The following CACNA1C variants were observed in gnomAD, a reference collection of about 807,000 sequenced individuals.
CACNA1C encodes the protein voltage-dependent L-type calcium channel subunit alpha-1C.
A neutral mutation model predicts 229.0 loss-of-function variants in CACNA1C; 30 were observed. The ratio of observed to expected loss-of-function variants is 0.13; its 90% CI spans 0.10 to 0.18. The LOEUF (loss-of-function observed/expected upper bound fraction) is 0.18, where lower values mean the gene tolerates loss of function less well. CACNA1C is among the 10% of genes least tolerant of loss of function. The pLI, the probability that CACNA1C is intolerant of heterozygous loss-of-function variation, is 1.00. For missense variants in CACNA1C, 1,658 were observed against 2,845.0 expected, an observed-to-expected ratio of 0.58 and a Z score of 9.49; for synonymous variants, 1,114 against 1,132.5, an observed-to-expected ratio of 0.98 and a Z score of 0.33.
At chr12:2,334,492 T>A (rs1293711423) in intron 3 of CACNA1C, among the ~76,000 whole-genome samples, 1 of 152,136 alleles carries the variant, frequency 6.6e-6, no homozygotes, top group Non-Finnish European at 1.5e-5. Flanking sequence ...GGCTTGGATG[T>A]CTGGCAAGTC....
intron 29 of CACNA1C, among the ~76,000 whole-genome samples, chr12:2,628,124 C>A (rs1264636664): frequency 6.6e-6 from 1 of 152,226 alleles, no homozygotes; most frequent in African/African-American, 2.4e-5. Flanking sequence ...TTGCCACCAG[C>A]CTGACTGAAA....
chr12:2,270,247 G>C (rs1166979149), intron 3 of CACNA1C, among the ~76,000 whole-genome samples: 1 of 152,200 alleles, frequency 6.6e-6, no homozygotes, highest in African/African-American at 2.4e-5. Flanking sequence ...GTATTCCATC[G>C]TCAAGACTAG....
chr12:2,486,559 A>G lies in CACNA1C; in HGVS notation c.916+297A>G, dbSNP rs1307816611. The stretch of plus-strand genomic sequence containing the variant: ...CTTAGAACCTATCTTTTGTCAATCT[A>G]CGACTTTTCAAGCCAACCCTGAGTA... On this transcript the variant is annotated intron_variant, in intron 6 of 46. Coordinates refer to ENST00000399655, the MANE Select transcript of CACNA1C (RefSeq NM_000719.7). The surrounding 1 kb of genome is among the most constrained non-coding windows in gnomAD (Gnocchi z 4.9). Among the ~76,000 whole-genome samples the G allele has an allele frequency of 6.6e-6, 1 of 152,196 alleles. No homozygotes were observed. Among genetic ancestry groups the G allele is most frequent in the Non-Finnish European group, 1.5e-5 (1 of 68,038 alleles).
chr12:2,629,295 A>G (rs1327532246), intron 29 of CACNA1C, among the ~76,000 whole-genome samples: 1 of 46,966 alleles, frequency 2.1e-5, no homozygotes, highest in Non-Finnish European at 4.1e-5. Context: ...TTACATAGGT[A>G]GTCATCCCAT....
chr12:2,549,938 T>G lies in CACNA1C; in HGVS notation c.1391-5T>G. On this transcript the variant is annotated splice_polypyrimidine_tract_variant and splice_region_variant and intron_variant, in intron 9 of 46. Transcript: ENST00000399655. The stretch of plus-strand genomic sequence containing the variant: ...CCTGGCTCTGCTTCCCTTTGACTCT[T>G]GCAGTGAGCATGCCCACCAGTGAGA... The G allele has an allele frequency of 1.3e-6, 2 of 1,593,878 alleles. No individual in the cohort carries two copies. Among genetic ancestry groups the G allele is most frequent in the Non-Finnish European group, 1.7e-6 (2 of 1,168,930 alleles).
intron 21 of CACNA1C, among the ~76,000 whole-genome samples, chr12:2,598,126 T>C (rs2069467663): frequency 6.6e-6 from 1 of 152,174 alleles, no homozygotes; most frequent in Admixed American, 6.5e-5. Context: ...AGTCACCTGC[T>C]GCAAAGCTTT....
intron 3 of CACNA1C, among the ~76,000 whole-genome samples, chr12:2,220,012 C>T (rs1439596305): frequency 6.6e-6 from 1 of 152,150 alleles, no homozygotes; most frequent in Non-Finnish European, 1.5e-5. Flanking sequence ...AAAGGATTTC[C>T]TCCTCCTCAG....
intron 3 of CACNA1C, among the ~76,000 whole-genome samples, chr12:2,383,404 T>C (rs2098300822): frequency 6.6e-6 from 1 of 152,134 alleles, no homozygotes; most frequent in South Asian, 2.1e-4. Context: ...AACATAGCTG[T>C]AGTTCGTTGG....
At chr12:2,667,010 C>T (rs745905135) in intron 37 of CACNA1C, among the ~76,000 whole-genome samples, 9 of 152,304 alleles carry the variant, frequency 5.9e-5, no homozygotes, top group Non-Finnish European at 8.8e-5. Flanking sequence ...CTTGTTCAGT[C>T]CATCCCACTG....
At chr12:2,658,247 A>G in intron 34 of CACNA1C, among the ~76,000 whole-genome samples, 1 of 152,244 alleles carries the variant, frequency 6.6e-6, no homozygotes, top group Non-Finnish European at 1.5e-5. Flanking sequence ...CTACTTTGAT[A>G]TAGCCAAATT....
chr12:2,112,741 G>A (rs1232889145), intron 1 of CACNA1C, among the ~76,000 whole-genome samples: 1 of 152,182 alleles, frequency 6.6e-6, no homozygotes, highest in Non-Finnish European at 1.5e-5. Flanking sequence ...TGTGGCATGA[G>A]TGATGCCATT....
chr12:2,543,144 G>A (rs981281761), intron 9 of CACNA1C, among the ~76,000 whole-genome samples: 1 of 152,210 alleles, frequency 6.6e-6, no homozygotes, highest in African/African-American at 2.4e-5. Context: ...ATAGCACCTG[G>A]TAAGAGGGAG....
At chr12:2,350,378 A>G (rs1339996746) in intron 3 of CACNA1C, among the ~76,000 whole-genome samples, 1 of 152,154 alleles carries the variant, frequency 6.6e-6, no homozygotes, top group Non-Finnish European at 1.5e-5. Flanking sequence ...CCCATTTTAC[A>G]GATGAGGAAG....
intron 3 of CACNA1C, among the ~76,000 whole-genome samples, chr12:2,398,377 C>A (rs1019342826): frequency 9.9e-5 from 15 of 152,198 alleles, no homozygotes; most frequent in African/African-American, 3.6e-4. Flanking sequence ...AAAGTTTTCA[C>A]ATTGAATAAG....
intron 3 of CACNA1C, among the ~76,000 whole-genome samples, chr12:2,194,470 G>A (rs1273792200): frequency 6.7e-6 from 1 of 149,240 alleles, no homozygotes; most frequent in Non-Finnish European, 1.5e-5. Flanking sequence ...ACCTTGTGCT[G>A]CTGGTGAGCT....
chr12:2,065,910 G>T (rs1007739167), intron 1 of CACNA1C, among the ~76,000 whole-genome samples: 1 of 152,176 alleles, frequency 6.6e-6, no homozygotes, highest in Admixed American at 6.5e-5. Flanking sequence ...GGGAGAGAAA[G>T]TTGGAATGGC....
intron 5 of CACNA1C, among the ~76,000 whole-genome samples, chr12:2,461,388 T>C (rs2099500532): frequency 6.6e-6 from 1 of 152,172 alleles, no homozygotes; most frequent in Non-Finnish European, 1.5e-5. Flanking sequence ...TTCTGTCTCA[T>C]CTTCTCACCC....
chr12:2,126,523 T>C (rs1419964495), intron 3 of CACNA1C, among the ~76,000 whole-genome samples: 5 of 152,220 alleles, frequency 3.3e-5, no homozygotes, highest in Non-Finnish European at 7.3e-5. Flanking sequence ...GAGAATATAT[T>C]TGGCATTTGA....
intron 30 of CACNA1C, among the ~76,000 whole-genome samples, chr12:2,643,163 T>A (rs1161197395): frequency 6.6e-6 from 1 of 152,100 alleles, no homozygotes; most frequent in African/African-American, 2.4e-5. Flanking sequence ...TGTCTGTAAC[T>A]CCAAACACAC....
Sources: allele counts gnomAD v4.1 joint callset (sites outside exome capture counted in the v4.1 genomes callset), GRCh38; gene constraint gnomAD v4.1.1; non-coding constraint Gnocchi (gnomAD v3.1); transcripts MANE v1.5; gene names NCBI Gene and HGNC (gene_info 2026-07-23, HGNC 2026-07-21).